The following ARHGAP15 variants were observed in gnomAD, a reference collection of about 807,000 sequenced individuals.
ARHGAP15 encodes the protein Rho GTPase activating protein 15, also known as rho GTPase-activating protein 15.
Under a neutral mutation model 63.7 loss-of-function variants are expected in ARHGAP15, and 51 were observed. The ratio of observed to expected loss-of-function variants is 0.80; its 90% CI spans 0.64 to 1.01. ARHGAP15 has a LOEUF of 1.01. ARHGAP15 is among the 50% of genes least tolerant of loss of function. ARHGAP15 has a pLI of 0.00. For missense variants in ARHGAP15, 560 were observed against 564.6 expected, an observed-to-expected ratio of 0.99 and a Z score of 0.08; for synonymous variants, 191 against 193.8, an observed-to-expected ratio of 0.99 and a Z score of 0.12.
intron 12 of ARHGAP15, among the ~76,000 whole-genome samples, chr2:143,682,525 C>T (rs766388385): frequency 2.0e-5 from 3 of 152,084 alleles, no homozygotes; most frequent in Non-Finnish European, 4.4e-5. Context: ...TGTGTATACA[C>T]ACACATGCAC....
intron 10 of ARHGAP15, among the ~76,000 whole-genome samples, chr2:143,536,979 C>A (rs1320525852): frequency 1.3e-5 from 2 of 152,138 alleles, no homozygotes; most frequent in African/African-American, 4.8e-5. Flanking sequence ...AACTAGTTTA[C>A]AGTCCCACCA....
chr2:143,514,719 T>C (rs1391049798), intron 9 of ARHGAP15, among the ~76,000 whole-genome samples: 4 of 152,210 alleles, frequency 2.6e-5, no homozygotes, highest in Non-Finnish European at 5.9e-5. Context: ...TGCTTTAAGC[T>C]GCAGGTCTGA....
intron 2 of ARHGAP15, among the ~76,000 whole-genome samples, chr2:143,163,522 T>C (rs1315482413): frequency 5.3e-4 from 80 of 151,954 alleles, no homozygotes; most frequent in Admixed American, 5.2e-3. Context: ...AACATATATA[T>C]TTACAAGCTG....
chr2:143,323,921 A>AAAAC (rs1558893097), intron 6 of ARHGAP15, among the ~76,000 whole-genome samples: 1 of 149,546 alleles, frequency 6.7e-6, no homozygotes, highest in African/African-American at 2.5e-5. Flanking sequence ...AAAAAAAAAA[A>AAAAC]AACACCTAAA....
At chr2:143,437,106 A>C in intron 8 of ARHGAP15, 64 bp downstream of exon 8, 33 of 1,468,132 alleles carry the variant, frequency 2.2e-5, no homozygotes, top group South Asian at 2.6e-5. Flanking sequence ...TGAAATATAA[A>C]TGCATTGAAA....
chr2:143,661,968 T>A (rs1156601850), intron 12 of ARHGAP15, among the ~76,000 whole-genome samples: 1 of 152,102 alleles, frequency 6.6e-6, no homozygotes, highest in African/African-American at 2.4e-5. Flanking sequence ...GAGACCAAAC[T>A]GCAAGGCGGC....
chr2:143,382,225 C>G (rs1687090772), intron 6 of ARHGAP15, among the ~76,000 whole-genome samples: 1 of 151,994 alleles, frequency 6.6e-6, no homozygotes, highest in African/African-American at 2.4e-5. Flanking sequence ...AACAAAGTAC[C>G]ACACAAACAG....
chr2:143,666,708 C>T (rs1264033195), intron 12 of ARHGAP15, among the ~76,000 whole-genome samples: 3 of 126,940 alleles, frequency 2.4e-5, no homozygotes, highest in African/African-American at 8.8e-5. Context: ...ACAATGAACT[C>T]AAACAAATTT....
rs1446157163 is a variant in ARHGAP15, at chr2:143,255,683, A to T, written c.474+5083A>T. Among the ~76,000 whole-genome samples the T allele has an allele frequency of 2.0e-5, 3 of 152,268 alleles. No individual in the cohort carries two copies. The East Asian group carries it at 5.8e-4, about 29-fold the overall frequency. On this transcript the variant is annotated intron_variant, in intron 6 of 13. Transcript: ENST00000295095. ...GTGCTTTTATCCATTTCCTTGTGTT[A>T]CAAGTGGTGGTTTAAAATAAATCCG...
intron 11 of ARHGAP15, among the ~76,000 whole-genome samples, chr2:143,622,261 A>C (rs1313617353): frequency 6.6e-6 from 1 of 152,188 alleles, no homozygotes; most frequent in Non-Finnish European, 1.5e-5. Flanking sequence ...GCTGTAGAGC[A>C]CACAGGTCCA....
chr2:143,233,214 G>T lies in ARHGAP15; in HGVS notation c.384+4546G>T, dbSNP rs370230994. 4.0e-5 allele frequency among the ~76,000 whole-genome samples: 6 copies of T among 151,506 alleles called. No homozygotes were observed. In the East Asian group the frequency reaches 1.2e-3, roughly 29 times the overall value. On this transcript the variant is annotated intron_variant, in intron 5 of 13. Coordinates refer to ENST00000295095, the MANE Select transcript of ARHGAP15 (RefSeq NM_018460.4). ...TGCTATTTATTTCTCCATGAACCTTGGACTTGCTTTCTAGGATCACTTTTT... is the reference window on the plus strand; with the variant it reads ...TGCTATTTATTTCTCCATGAACCTTTGACTTGCTTTCTAGGATCACTTTTT...
chr2:143,186,123 C>T (rs1366412383), intron 2 of ARHGAP15, among the ~76,000 whole-genome samples: 3 of 152,026 alleles, frequency 2.0e-5, no homozygotes, highest in Non-Finnish European at 4.4e-5. Context: ...TTCATTGTGG[C>T]TAGATGAGGG....
At chr2:143,579,307 G>A (rs1169371207) in intron 11 of ARHGAP15, among the ~76,000 whole-genome samples, 1 of 152,150 alleles carries the variant, frequency 6.6e-6, no homozygotes, top group Non-Finnish European at 1.5e-5. Flanking sequence ...TTACTGAATG[G>A]AAAACTAATT....
intron 9 of ARHGAP15, among the ~76,000 whole-genome samples, chr2:143,506,747 T>G (rs2104947240): frequency 6.6e-6 from 1 of 152,288 alleles, no homozygotes. Flanking sequence ...TATGTTTCCC[T>G]CATACTCAAG....
intron 11 of ARHGAP15, among the ~76,000 whole-genome samples, chr2:143,585,084 T>G (rs950208369): frequency 2.0e-5 from 3 of 152,174 alleles, no homozygotes; most frequent in African/African-American, 7.2e-5. Flanking sequence ...TTTCTAAATT[T>G]AGATAAACGC....
intron 11 of ARHGAP15, among the ~76,000 whole-genome samples, chr2:143,573,965 T>A (rs536221189): frequency 6.0e-4 from 92 of 152,324 alleles, no homozygotes; most frequent in Middle Eastern, 3.4e-3. Context: ...AAATATGAAT[T>A]ATTTTTAGTC....
At chr2:143,404,126 GAC>G (rs1383980474) in intron 6 of ARHGAP15, among the ~76,000 whole-genome samples, 49 of 151,942 alleles carry the variant, frequency 3.2e-4, no homozygotes, top group Non-Finnish European at 3.5e-4. Flanking sequence ...GGAGTCCAAA[GAC>G]AACATGGTGG....
chr2:143,250,644 A>C (rs1680110361), intron 6 of ARHGAP15, 44 bp downstream of exon 6: 1 of 1,512,362 alleles, frequency 6.6e-7, no homozygotes, highest in Non-Finnish European at 9.1e-7. Flanking sequence ...TTCTCTCTAA[A>C]TCTGAGCTCT....
At chr2:143,698,330 T>C (rs1005202588) in intron 12 of ARHGAP15, among the ~76,000 whole-genome samples, 10 of 152,170 alleles carry the variant, frequency 6.6e-5, no homozygotes, top group African/African-American at 2.4e-4. Context: ...TAAAAGGCAT[T>C]GGGTTGTAAA....
Sources: allele counts gnomAD v4.1 joint callset (sites outside exome capture counted in the v4.1 genomes callset), GRCh38; gene constraint gnomAD v4.1.1; transcripts MANE v1.5; gene names NCBI Gene and HGNC (gene_info 2026-07-23, HGNC 2026-07-21).